ADAMTS19: variants seen among roughly 807,000 people sequenced by gnomAD.
ADAMTS19 encodes the protein A disintegrin and metalloproteinase with thrombospondin motifs 19.
Under a neutral mutation model 153.3 loss-of-function variants are expected in ADAMTS19, and 93 were observed. The ratio of observed to expected loss-of-function variants is 0.61; its 90% CI spans 0.51 to 0.72. The LOEUF is 0.72. Ranked by LOEUF, ADAMTS19 falls within the 30% of genes least tolerant of loss-of-function variation. The pLI, the probability that ADAMTS19 is intolerant of heterozygous loss-of-function variation, is 0.00. For missense variants in ADAMTS19, 1,482 were observed against 1,552.1 expected (o/e 0.95, Z 0.76); for synonymous variants, 600 against 556.6 (o/e 1.08, Z -1.10).
At chr5:129,714,176 T>C (rs980844096) in intron 21 of ADAMTS19, among the ~76,000 whole-genome samples, 2 of 151,684 alleles carry the variant, frequency 1.3e-5, no homozygotes, top group East Asian at 1.9e-4. Context: ...TCCCAGCACT[T>C]TGGGAGGCCG....
chr5:129,533,635 A>G (rs1351458861), intron 6 of ADAMTS19, among the ~76,000 whole-genome samples: 1 of 152,078 alleles, frequency 6.6e-6, no homozygotes, highest in African/African-American at 2.4e-5. Flanking sequence ...GCCTTCTGCT[A>G]GCTTTTGAAT....
At chr5:129,636,593 C>G (rs552201270) in intron 10 of ADAMTS19, among the ~76,000 whole-genome samples, 1 of 152,176 alleles carries the variant, frequency 6.6e-6, no homozygotes, top group Non-Finnish European at 1.5e-5. Context: ...GCCTATCACT[C>G]AACTTCTGCC....
chr5:129,632,129 T>G (rs1168721498), intron 10 of ADAMTS19, among the ~76,000 whole-genome samples: 1 of 152,052 alleles, frequency 6.6e-6, no homozygotes, highest in African/African-American at 2.4e-5. Context: ...CTAGCTCAAA[T>G]CAGCCATAGA....
intron 21 of ADAMTS19, among the ~76,000 whole-genome samples, chr5:129,705,703 A>G (rs908546845): frequency 9.9e-5 from 15 of 152,238 alleles, no homozygotes; most frequent in Non-Finnish European, 2.2e-4. Context: ...ACAGAATTCT[A>G]AATTAACTAC....
intron 20 of ADAMTS19, 122 bp downstream of exon 20, chr5:129,701,714 TTGTTGA>T: frequency 9.9e-7 from 1 of 1,008,884 alleles, no homozygotes; most frequent in Non-Finnish European, 1.4e-6. Flanking sequence ...TTTATTAATT[TTGTTGA>T]TGATTAAAGG....
chr5:129,560,945 T>C (rs1753490016), intron 7 of ADAMTS19, among the ~76,000 whole-genome samples: 1 of 152,228 alleles, frequency 6.6e-6, no homozygotes, highest in African/African-American at 2.4e-5. Context: ...TTGGTCTTTG[T>C]ACTCCTTTAC....
At chr5:129,494,874 T>C (rs1176764148) in intron 2 of ADAMTS19, among the ~76,000 whole-genome samples, 4 of 152,146 alleles carry the variant, frequency 2.6e-5, no homozygotes. Context: ...CAGAGGGAAC[T>C]CTTAAATAAG....
chr5:129,520,028 G>C (rs1751742659), intron 3 of ADAMTS19, among the ~76,000 whole-genome samples: 2 of 152,236 alleles, frequency 1.3e-5, no homozygotes, highest in Admixed American at 1.3e-4. Flanking sequence ...CACTAAGTCA[G>C]AGTTACTGAG....
chr5:129,702,521 A>T (rs1006814659), intron 20 of ADAMTS19, among the ~76,000 whole-genome samples: 1 of 152,152 alleles, frequency 6.6e-6, no homozygotes, highest in Non-Finnish European at 1.5e-5. Context: ...ACAGTTTCTA[A>T]ATGTCTGTCA....
intron 2 of ADAMTS19, among the ~76,000 whole-genome samples, chr5:129,495,715 C>G (rs185683170): frequency 6.6e-6 from 1 of 152,076 alleles, no homozygotes; most frequent in Admixed American, 6.6e-5. Flanking sequence ...CAACTTACCC[C>G]TAATTTCTTT....
rs1376601738 is a variant in ADAMTS19 at position 129,629,211 on chromosome 5, C to G, written c.1770+6863C>G. The stretch of plus-strand genomic sequence containing the variant: ...TCGATTGAATAATGGAGTACTGATT[C>G]TAAATTTTTCACTCATGTAGATAAC... On this transcript the variant is annotated intron_variant, in intron 10 of 22. Coordinates refer to ENST00000274487, the MANE Select transcript of ADAMTS19 (RefSeq NM_133638.6). 3.3e-5 allele frequency among the ~76,000 whole-genome samples: 5 copies of G among 152,046 alleles called. No homozygotes were observed. The East Asian group carries it at 7.7e-4, about 23-fold the overall frequency.
At chr5:129,686,070 G>A (rs1189139015) in intron 18 of ADAMTS19, among the ~76,000 whole-genome samples, 3 of 152,228 alleles carry the variant, frequency 2.0e-5, no homozygotes, top group Admixed American at 6.5e-5. Context: ...ATGGGTATGT[G>A]TATTTTGATT....
At chr5:129,602,086 A>T (rs544562597) in intron 8 of ADAMTS19, among the ~76,000 whole-genome samples, 1 of 152,180 alleles carries the variant, frequency 6.6e-6, no homozygotes, top group African/African-American at 2.4e-5. Context: ...CTGCAAAATT[A>T]CACAATTTTA....
intron 21 of ADAMTS19, among the ~76,000 whole-genome samples, chr5:129,732,599 C>A (rs538844629): frequency 6.6e-6 from 1 of 152,074 alleles, no homozygotes; most frequent in African/African-American, 2.4e-5. Flanking sequence ...CTTAGGAATA[C>A]GTTTAACTAA....
rs531522183 is a variant in ADAMTS19 at position 129,701,976 on chromosome 5, G to A, written c.3159+384G>A. ...TAATTATTATATGTGAACAAGGAATGTGTTTTTACTTAATGTTTAGTATAT... is the reference window on the plus strand; with the variant it reads ...TAATTATTATATGTGAACAAGGAATATGTTTTTACTTAATGTTTAGTATAT... On this transcript the variant is annotated intron_variant, in intron 20 of 22. Transcript: ENST00000274487. Among the ~76,000 whole-genome samples, 6 of 152,300 alleles carry A rather than the reference G, an allele frequency of 3.9e-5. No individual in the cohort carries two copies. In the South Asian group the frequency reaches 1.2e-3, roughly 32 times the overall value.
intron 10 of ADAMTS19, among the ~76,000 whole-genome samples, chr5:129,632,280 A>G (rs1004428240): frequency 6.6e-6 from 1 of 152,046 alleles, no homozygotes; most frequent in African/African-American, 2.4e-5. Flanking sequence ...ATTTGGAATT[A>G]TTGGAATATG....
intron 7 of ADAMTS19, among the ~76,000 whole-genome samples, chr5:129,576,497 A>C (rs76467008): frequency 6.6e-6 from 1 of 152,116 alleles, no homozygotes; most frequent in Non-Finnish European, 1.5e-5. Flanking sequence ...AATCTTTCTC[A>C]TAAGTTTCTA....
intron 2 of ADAMTS19, among the ~76,000 whole-genome samples, chr5:129,480,737 C>G (rs984370119): frequency 1.3e-5 from 2 of 152,096 alleles, no homozygotes; most frequent in African/African-American, 4.8e-5. Context: ...CAGCCTCAAA[C>G]TGGAAAATAA....
At chr5:129,526,126 A>C (rs1396478731) in intron 3 of ADAMTS19, among the ~76,000 whole-genome samples, 158 bp from the exon 4 acceptor site, 1 of 152,000 alleles carries the variant, frequency 6.6e-6, no homozygotes, top group Non-Finnish European at 1.5e-5. Context: ...GGAGAAGTTC[A>C]GTCTGTCTCA....
Sources: gnomAD v4.1 joint callset for allele counts (sites outside exome capture counted in the v4.1 genomes callset) on GRCh38, gnomAD v4.1.1 for gene constraint, MANE v1.5 for transcripts, NCBI Gene and HGNC (gene_info 2026-07-23, HGNC 2026-07-21) for gene names.